Variants in ZC3H12B observed in about 807,000 individuals in gnomAD.
ZC3H12B encodes zinc finger CCCH-type containing 12B.
Under a neutral mutation model 43.9 loss-of-function variants are expected in ZC3H12B, and 7 were observed. The ratio of observed to expected loss-of-function variants is 0.16; its 90% CI spans 0.09 to 0.30. ZC3H12B has a LOEUF of 0.30. Ranked by LOEUF, ZC3H12B falls within the 10% of genes least tolerant of loss-of-function variation. ZC3H12B has a pLI of 1.00. For synonymous variants in ZC3H12B, 222 were observed against 241.7 expected (o/e 0.92, Z 0.76); for missense variants, 475 against 670.2 (o/e 0.71, Z 3.22).
the ZC3H12B span, among the ~76,000 whole-genome samples, chrX:65,045,108 G>A: frequency 3.6e-5 from 4 of 111,957 alleles, no homozygotes; most frequent in Admixed American, 9.5e-5. Context: ...TGAGCTGTCG[G>A]TGAGTTGTAA....
chrX:65,183,170 T>C, the ZC3H12B span, among the ~76,000 whole-genome samples: 2 of 111,151 alleles, frequency 1.8e-5, no homozygotes, highest in Non-Finnish European at 3.8e-5. Context: ...ATATAATCAA[T>C]CTAGATGCCC....
chrX:65,435,016 C>T (rs1217087715), intron 3 of ZC3H12B, among the ~76,000 whole-genome samples: 1 of 111,864 alleles, frequency 8.9e-6, no homozygotes, highest in East Asian at 2.8e-4. Flanking sequence ...TTACAGAATC[C>T]TACTATTTCT....
chrX:65,059,025 G>A, the ZC3H12B span, among the ~76,000 whole-genome samples: 142 of 112,047 alleles, frequency 1.3e-3, no homozygotes, highest in African/African-American at 4.5e-3. Context: ...TGCATTTCCC[G>A]GGTGTGGTGA....
At chrX:65,243,827 G>T in the ZC3H12B span, among the ~76,000 whole-genome samples, 1 of 111,287 alleles carries the variant, frequency 9.0e-6, no homozygotes, top group Non-Finnish European at 1.9e-5. Flanking sequence ...TCAGCAACAT[G>T]GATGGAATTA....
At chrX:65,449,888 T>C (rs1263208829) in intron 3 of ZC3H12B, among the ~76,000 whole-genome samples, 1 of 111,367 alleles carries the variant, frequency 9.0e-6, no homozygotes, top group Non-Finnish European at 1.9e-5. Context: ...GATAAAAAAC[T>C]ATATGTTGGG....
At chrX:65,366,236 T>A (rs1359081744), upstream of ZC3H12B, among the ~76,000 whole-genome samples, 1 of 110,247 alleles carries the variant, frequency 9.1e-6, no homozygotes, top group Admixed American at 9.6e-5. Context: ...TTCTGGTTTG[T>A]CAGTTCTACA....
chrX:65,142,514 G>A, the ZC3H12B span, among the ~76,000 whole-genome samples: 1 of 112,022 alleles, frequency 8.9e-6, no homozygotes, highest in East Asian at 2.8e-4. Context: ...CTAATTCCCA[G>A]CAATTTATCT....
chrX:65,228,598 C>G, the ZC3H12B span, among the ~76,000 whole-genome samples: 18 of 111,493 alleles, frequency 1.6e-4, no homozygotes, highest in East Asian at 4.8e-3. Context: ...CAAATTGTCC[C>G]TGTTTGCAGA....
At chrX:65,369,748 A>T (rs1377324520) in intron 2 of ZC3H12B, among the ~76,000 whole-genome samples, 2 of 111,846 alleles carry the variant, frequency 1.8e-5, no homozygotes, top group Non-Finnish European at 3.8e-5. Context: ...CATAAGTGAG[A>T]ACCAAAATTT....
the ZC3H12B span, among the ~76,000 whole-genome samples, chrX:65,304,554 T>C: frequency 5.6e-5 from 6 of 107,442 alleles, no homozygotes; most frequent in African/African-American, 2.0e-4. Flanking sequence ...AGGCGGAGCT[T>C]GCAGTGAGCC....
the ZC3H12B span, among the ~76,000 whole-genome samples, chrX:65,145,039 G>C: frequency 9.0e-6 from 1 of 111,143 alleles, no homozygotes; most frequent in African/African-American, 3.3e-5. Context: ...TTTTTTTCTT[G>C]ATGACCTCTC....
the ZC3H12B span, among the ~76,000 whole-genome samples, chrX:65,198,810 C>T: frequency 7.2e-5 from 8 of 111,658 alleles, no homozygotes; most frequent in Non-Finnish European, 1.5e-4. Flanking sequence ...CTCTCTCTGC[C>T]TCCTCTTCAA....
chrX:65,154,355 T>C, the ZC3H12B span, among the ~76,000 whole-genome samples: 6 of 112,340 alleles, frequency 5.3e-5, no homozygotes, highest in Non-Finnish European at 7.5e-5. Context: ...GTAAATTATC[T>C]TTTAAAAATT....
the ZC3H12B span, among the ~76,000 whole-genome samples, chrX:65,252,811 A>C: frequency 8.9e-6 from 1 of 112,151 alleles, no homozygotes; most frequent in Non-Finnish European, 1.9e-5. Context: ...AGTTCAGAAA[A>C]GTACTGTGAG....
At chrX:65,441,841 G>T (rs2067305336) in intron 3 of ZC3H12B, among the ~76,000 whole-genome samples, 1 of 110,815 alleles carries the variant, frequency 9.0e-6, no homozygotes, top group Admixed American at 9.7e-5. Flanking sequence ...TTGTACAGGG[G>T]TGAGGGAATG....
In ZC3H12B at chrX:65,502,918, T is replaced by C. The variant is rs573884415; in HGVS notation, c.2220T>C (p.Tyr740=). ...CGCTGCCCTGTACAACTGACTCCTA[T>C]GGCTACCACTCCTATCCCTTGAGTA... The change falls in exon 5 of 5, where the codon TAT becomes TAC. Residue 740 remains tyrosine, a synonymous_variant. Transcript: ENST00000338957. 5 of 1,209,867 alleles carry C rather than the reference T, an allele frequency of 4.1e-6. No homozygotes were observed. In the Admixed American group the frequency reaches 1.1e-4, roughly 26 times the overall value.
the ZC3H12B span, among the ~76,000 whole-genome samples, chrX:65,212,174 TTA>T: frequency 2.1e-5 from 1 of 48,715 alleles, no homozygotes; most frequent in Non-Finnish European, 3.3e-5. Context: ...ATATATAATA[TTA>T]TATATTATAT....
chrX:65,275,742 T>C, the ZC3H12B span, among the ~76,000 whole-genome samples: 1 of 112,287 alleles, frequency 8.9e-6, no homozygotes, highest in Non-Finnish European at 1.9e-5. Flanking sequence ...AAGAGACAAC[T>C]TTTACACCAG....
the ZC3H12B span, among the ~76,000 whole-genome samples, chrX:65,267,500 G>A: frequency 8.2e-5 from 9 of 109,940 alleles, no homozygotes; most frequent in East Asian, 2.6e-3. Flanking sequence ...TATACACAGG[G>A]GAAAAAAGGA....
Sources: gnomAD v4.1 joint callset for allele counts (sites outside exome capture counted in the v4.1 genomes callset) on GRCh38, gnomAD v4.1.1 for gene constraint, MANE v1.5 for transcripts, NCBI Gene and HGNC (gene_info 2026-07-23, HGNC 2026-07-21) for gene names.